CPLANE1: variants seen among roughly 807,000 people sequenced by gnomAD.
CPLANE1 encodes the protein ciliogenesis and planar polarity effector complex subunit 1, also known as ciliogenesis and planar polarity effector 1.
Under a neutral mutation model 362.5 loss-of-function variants are expected in CPLANE1, and 263 were observed. The observed-to-expected ratio is 0.73, with a 90% CI of 0.66 to 0.80. CPLANE1 has a LOEUF of 0.80. Ranked by LOEUF, CPLANE1 falls within the 30% of genes least tolerant of loss-of-function variation. The probability of loss-of-function intolerance (pLI) is 0.00; values close to 1 mark genes in which losing one functional copy is unlikely to be tolerated. For synonymous variants in CPLANE1, 1,212 were observed against 1,302.6 expected, an observed-to-expected ratio of 0.93 and a Z score of 1.50; for missense variants, 3,461 against 3,793.4, an observed-to-expected ratio of 0.91 and a Z score of 2.30.
At chr5:37,150,427 C>T (rs1467435011) in intron 42 of CPLANE1, among the ~76,000 whole-genome samples, 1 of 152,126 alleles carries the variant, frequency 6.6e-6, no homozygotes, top group Non-Finnish European at 1.5e-5. Flanking sequence ...AGCTCCTCAG[C>T]TGCTTTTGAG....
Position 37,184,959 on chromosome 5 carries a change from A to G in CPLANE1, c.4310T>C (p.Ile1437Thr), listed in dbSNP as rs6859950. ...AGCCTCATCTGGTTTCTCTTCTTCAATTGGTTCCCATATATTCACTTCAAA... is the reference window on the plus strand; with the variant it reads ...AGCCTCATCTGGTTTCTCTTCTTCAGTTGGTTCCCATATATTCACTTCAAA... ...GSFEVNIWEP[I>T]EEEKPDEAPG... Residue 1437 changes from isoleucine (I) to threonine (T), a missense_variant, in exon 25 of 53, where the codon ATT (isoleucine) becomes ACT (threonine). This residue lies in a region of CPLANE1 where 3,380 missense variants were observed against 3,666.1 expected (regional missense o/e 0.92). Coordinates refer to ENST00000651892, the MANE Select transcript of CPLANE1 (RefSeq NM_001384732.1). 2.3e-3 allele frequency: 3,698 copies of G among 1,614,032 alleles called. 75 individuals are homozygous for G. In the African/African-American group the frequency reaches 0.043, roughly 19 times the overall value.
chr5:37,109,904 G>A (rs771503879), intron 51 of CPLANE1, among the ~76,000 whole-genome samples: 1 of 152,182 alleles, frequency 6.6e-6, no homozygotes, highest in South Asian at 2.1e-4. Context: ...CGATCGGCCT[G>A]CCTCAGCCTC....
chr5:37,140,565 A>C, intron 44 of CPLANE1: 1 of 985,440 alleles, frequency 1.0e-6, no homozygotes, highest in Non-Finnish European at 1.2e-6. Flanking sequence ...GAGAAGGTCC[A>C]TTAAAGAGAC....
chr5:37,241,030 G>GT (rs1800299213), intron 6 of CPLANE1, among the ~76,000 whole-genome samples: 1 of 151,858 alleles, frequency 6.6e-6, no homozygotes, highest in Non-Finnish European at 1.5e-5. Flanking sequence ...CAGCTACTCG[G>GT]GAGGCTGAGG....
intron 16 of CPLANE1, chr5:37,211,930 C>T: frequency 3.7e-6 from 3 of 801,648 alleles, no homozygotes; most frequent in Non-Finnish European, 6.8e-6. Context: ...ATGGGCGCAG[C>T]TGTAGCTGCT....
At chr5:37,150,869 C>A (rs980356563) in intron 42 of CPLANE1, among the ~76,000 whole-genome samples, 4 of 152,142 alleles carry the variant, frequency 2.6e-5, no homozygotes, top group Non-Finnish European at 5.9e-5. Flanking sequence ...AAATGGGGCC[C>A]AGGAATTTGC....
At chr5:37,136,268 C>A (rs1471616686) in intron 46 of CPLANE1, among the ~76,000 whole-genome samples, 1 of 152,188 alleles carries the variant, frequency 6.6e-6, no homozygotes, top group African/African-American at 2.4e-5. Context: ...GGGCTATCAG[C>A]CTCATACAAG....
At position 37,183,589 on chromosome 5, in the gene CPLANE1, G is replaced by A. The variant is rs1783228946; in HGVS notation, c.4592C>T (p.Ser1531Leu). ...ACCTATTACAGGAAGTGTATTTTGT[G>A]ATAACTTTTCATGATCTTCTTTCTT... ...PTKKEDHEKLSQNTLPVIGVW... is the reference protein window; with the variant it reads ...PTKKEDHEKLLQNTLPVIGVW... The change falls in exon 26 of 53, where the codon TCA (serine) becomes TTA (leucine). Residue 1531 changes from serine (S) to leucine (L), a missense_variant. Transcript: ENST00000651892. 1 of 1,612,066 alleles carries A rather than the reference G, an allele frequency of 6.2e-7. No individual in the cohort carries two copies. Among genetic ancestry groups the A allele is most frequent in the East Asian group, 2.2e-5 (1 of 44,748 alleles).
At chr5:37,151,139 C>A (rs560451720) in intron 42 of CPLANE1, among the ~76,000 whole-genome samples, 1 of 152,190 alleles carries the variant, frequency 6.6e-6, no homozygotes, top group Non-Finnish European at 1.5e-5. Flanking sequence ...ACCTCTACTG[C>A]CAGATGTCTT....
At chr5:37,108,703 C>T (rs1431341113) in intron 51 of CPLANE1, among the ~76,000 whole-genome samples, 1 of 152,200 alleles carries the variant, frequency 6.6e-6, no homozygotes, top group Non-Finnish European at 1.5e-5. Flanking sequence ...AGTAATTAAT[C>T]TTTAAGACAA....
At chr5:37,195,728 C>T (rs1267972929) in intron 21 of CPLANE1, 130 bp downstream of exon 21, 1 of 813,214 alleles carries the variant, frequency 1.2e-6, no homozygotes, top group Non-Finnish European at 1.8e-6. Context: ...TGTTAAAGTA[C>T]AATATTTACT....
intron 51 of CPLANE1, among the ~76,000 whole-genome samples, chr5:37,112,310 C>T (rs1759590534): frequency 6.6e-6 from 1 of 152,150 alleles, no homozygotes; most frequent in South Asian, 2.1e-4. Context: ...CCTTACTTTA[C>T]CTAGAGATGG....
chr5:37,185,666 G>A (rs1477017470), intron 24 of CPLANE1, among the ~76,000 whole-genome samples: 1 of 151,850 alleles, frequency 6.6e-6, no homozygotes, highest in Non-Finnish European at 1.5e-5. Flanking sequence ...CAAAATCACT[G>A]GACATACCTG....
Position 37,183,195 on chromosome 5 carries a change from T to C in CPLANE1, c.4986A>G (p.Gln1662=), listed in dbSNP as rs547409263. ...TCTTATTGACTTCATTCGAAGGATA[T>C]TGTAAAAAAGGTTTGATCCCTTGAT... ...LVNQGIKPFL[Q]YPSNEVNKNE... Residue 1662 remains glutamine (Q), a synonymous_variant, in exon 26 of 53, where the codon CAA becomes CAG. Transcript: ENST00000651892. 2.5e-6 allele frequency: 4 copies of C among 1,611,060 alleles called. No homozygotes were observed. In the South Asian group the frequency reaches 3.3e-5, roughly 13 times the overall value.
intron 32 of CPLANE1, among the ~76,000 whole-genome samples, chr5:37,171,383 G>C (rs2150970718): frequency 6.6e-6 from 1 of 152,292 alleles, no homozygotes; most frequent in South Asian, 2.1e-4. Flanking sequence ...CCAAGTTTCT[G>C]ATTCAACAGG....
intron 8 of CPLANE1, among the ~76,000 whole-genome samples, chr5:37,231,905 A>C (rs1313756093): frequency 6.6e-6 from 1 of 152,170 alleles, no homozygotes; most frequent in African/African-American, 2.4e-5. Flanking sequence ...ACAGACACTA[A>C]ATCAAAAAGA....
chr5:37,164,268 C>A lies in CPLANE1; in HGVS notation c.7588+5G>T, dbSNP rs1416608725. On this transcript the variant is annotated splice_donor_5th_base_variant and intron_variant, in intron 37 of 52. Coordinates refer to ENST00000651892, the MANE Select transcript of CPLANE1 (RefSeq NM_001384732.1). ...AGACATTACATTAATCATACACATA[C>A]ATACCAAAAGGAACGTCGAAGTCAT... 6.2e-7 allele frequency: 1 copy of A among 1,606,810 alleles called. No homozygotes were observed.
At position 37,153,825 on chromosome 5, in the gene CPLANE1, T is replaced by C; in HGVS notation, c.8288A>G (p.Glu2763Gly). The C allele has an allele frequency of 6.2e-7, 1 of 1,614,130 alleles. No individual in the cohort carries two copies. Among genetic ancestry groups the C allele is most frequent in the Non-Finnish European group, 8.5e-7 (1 of 1,180,022 alleles). The change falls in exon 42 of 53, where the codon GAG becomes GGG. Residue 2763 changes from glutamate to glycine, a missense_variant. Glu to Gly is a moderately conservative substitution (Grantham distance 98, BLOSUM62 -2). Coordinates refer to ENST00000651892, the MANE Select transcript of CPLANE1 (RefSeq NM_001384732.1). ...AATGTTCTGTATTGCTAGCAACTGC[T>C]CGTCAATTTTCTGAAGCTTAGCACT... Reference protein sequence around the residue: ...HLSAKLQKIDEQLLAIQNIAE... With the variant: ...HLSAKLQKIDGQLLAIQNIAE...
At chr5:37,223,246 G>A (rs1795738989) in intron 14 of CPLANE1, among the ~76,000 whole-genome samples, 1 of 152,048 alleles carries the variant, frequency 6.6e-6, no homozygotes, top group South Asian at 2.1e-4. Context: ...GACCTTAATT[G>A]GCCAATCTCT....
Sources: allele counts gnomAD v4.1 joint callset (sites outside exome capture counted in the v4.1 genomes callset), GRCh38; gene constraint gnomAD v4.1.1; regional missense constraint gnomAD v4.1.1; transcripts MANE v1.5; gene names NCBI Gene and HGNC (gene_info 2026-07-23, HGNC 2026-07-21).